The following BLM variants were observed in gnomAD, a reference collection of about 807,000 sequenced individuals.
The protein encoded by BLM is BLM RecQ like helicase, also known as recQ-like DNA helicase BLM.
BLM carries 95 observed loss-of-function variants against 135.3 expected under a neutral mutation model. The ratio of observed to expected loss-of-function variants is 0.70; its 90% CI spans 0.59 to 0.83. The LOEUF (loss-of-function observed/expected upper bound fraction) is 0.83. Among genes scored for constraint, BLM ranks in the 40% least tolerant of loss-of-function variants. BLM has a pLI of 0.00. For synonymous variants in BLM, 520 were observed against 589.2 expected (o/e 0.88, Z 1.70); for missense variants, 1,518 against 1,663.9 (o/e 0.91, Z 1.53).
At chr15:90,761,693 A>T (rs577792289) in intron 7 of BLM, among the ~76,000 whole-genome samples, 1 of 152,364 alleles carries the variant, frequency 6.6e-6, no homozygotes, top group East Asian at 1.9e-4. Context: ...ATGTTAAAAT[A>T]TAGGGTAGTC....
chr15:90,734,670 CG>C (rs1270904922), intron 1 of BLM, among the ~76,000 whole-genome samples: 1 of 137,516 alleles, frequency 7.3e-6, no homozygotes, highest in Admixed American at 7.6e-5. Flanking sequence ...CACGCGCGCA[CG>C]CACGCACACA....
chr15:90,749,924 A>T lies in BLM; in HGVS notation c.656A>T (p.Asp219Val). ...CCCTCCTCTGAAAGCGAGCAAATAG[A>T]TTTGACTGAGGAACAGAAGGATGAC... The part of the protein sequence containing the change: ...PPPSSESEQI[D>V]LTEEQKDDSE... Residue 219 changes from aspartate (D) to valine (V), a missense_variant, in exon 3 of 22, where the codon GAT becomes GTT. Physicochemically the swap from Asp to Val is radical, Grantham distance 152. Coordinates refer to ENST00000355112, the MANE Select transcript of BLM (RefSeq NM_000057.4). 2 of 1,613,812 alleles carry T rather than the reference A, an allele frequency of 1.2e-6. No homozygotes were observed. The highest frequency in any genetic ancestry group is 1.7e-6 in the Non-Finnish European group (2 of 1,179,658).
intron 12 of BLM, among the ~76,000 whole-genome samples, chr15:90,773,129 G>A (rs867032447): frequency 9.2e-5 from 13 of 141,936 alleles, no homozygotes; most frequent in African/African-American, 2.6e-4. Context: ...AGATAAAAGC[G>A]TAGACAGCAG....
In BLM at chr15:90,811,039, T is replaced by C. The variant is rs187347949; in HGVS notation, c.3875-166T>C. The stretch of plus-strand genomic sequence containing the variant: ...TGCCATTGAACACTTTGGGGCTTTG[T>C]GCAGTAAAAAAAGGTTTGGTTCTTG... On this transcript the variant is annotated intron_variant, in intron 20 of 21. Coordinates refer to ENST00000355112, the MANE Select transcript of BLM (RefSeq NM_000057.4). Among the ~76,000 whole-genome samples, 35 of 152,310 alleles carry C rather than the reference T, an allele frequency of 2.3e-4. No individual in the cohort carries two copies. The East Asian group carries it at 6.2e-3, about 27-fold the overall frequency.
intron 4 of BLM, among the ~76,000 whole-genome samples, chr15:90,752,986 T>C (rs535896761): frequency 2.6e-4 from 40 of 152,332 alleles, no homozygotes; most frequent in African/African-American, 8.9e-4. Flanking sequence ...TGATTCCTTG[T>C]TGAATGCCTG....
At chr15:90,723,130 C>T (rs1894813127) in intron 1 of BLM, among the ~76,000 whole-genome samples, 1 of 152,158 alleles carries the variant, frequency 6.6e-6, no homozygotes, top group African/African-American at 2.4e-5. Flanking sequence ...GCATGAGCCA[C>T]CGCTCCTGGC....
chr15:90,750,996 C>T (rs563012408), intron 3 of BLM, among the ~76,000 whole-genome samples: 2 of 152,330 alleles, frequency 1.3e-5, no homozygotes, highest in East Asian at 1.9e-4. Context: ...AGCCTTTCTA[C>T]TGTAATTCCT....
chr15:90,756,305 A>G (rs990857757), intron 5 of BLM, among the ~76,000 whole-genome samples: 20 of 152,086 alleles, frequency 1.3e-4, no homozygotes, highest in Non-Finnish European at 2.2e-4. Context: ...GGGTTTCACC[A>G]TTTTAGCCAG....
At chr15:90,748,479 C>T (rs1159585925) in intron 2 of BLM, among the ~76,000 whole-genome samples, 2 of 152,268 alleles carry the variant, frequency 1.3e-5, no homozygotes, top group African/African-American at 4.8e-5. Context: ...CCAGTTCTGC[C>T]TCTCCTCTAA....
rs559685871 is a variant in BLM, at chr15:90,807,836, A to G, written c.3752-1301A>G. Among the ~76,000 whole-genome samples, 4 of 152,334 alleles carry G rather than the reference A, an allele frequency of 2.6e-5. No individual in the cohort carries two copies. The East Asian group carries it at 7.7e-4, about 29-fold the overall frequency. The stretch of plus-strand genomic sequence containing the variant: ...ATGTCATGGCAGTTAGACTCAATAC[A>G]TGAGGTACAAACAGTGCAGTGACTT... On this transcript the variant is annotated intron_variant, in intron 19 of 21. Coordinates refer to ENST00000355112, the MANE Select transcript of BLM (RefSeq NM_000057.4).
intron 12 of BLM, among the ~76,000 whole-genome samples, chr15:90,774,636 C>T (rs889970693): frequency 6.6e-6 from 1 of 151,102 alleles, no homozygotes; most frequent in African/African-American, 2.4e-5. Context: ...GAGTTGGAGA[C>T]CAGCCTGGCC....
At chr15:90,768,434 G>A (rs550142241) in intron 10 of BLM, among the ~76,000 whole-genome samples, 2 of 152,268 alleles carry the variant, frequency 1.3e-5, no homozygotes, top group South Asian at 2.1e-4. Flanking sequence ...TTGCTACTGA[G>A]ATGTCATTGC....
intron 2 of BLM, among the ~76,000 whole-genome samples, chr15:90,748,591 G>T (rs1199797340): frequency 1.3e-5 from 2 of 152,066 alleles, no homozygotes; most frequent in Non-Finnish European, 2.9e-5. Context: ...TGGCTTTGAA[G>T]TCACCACTGA....
chr15:90,779,167 G>A (rs935560583), intron 12 of BLM, among the ~76,000 whole-genome samples: 9 of 152,124 alleles, frequency 5.9e-5, no homozygotes, highest in Admixed American at 4.6e-4. Context: ...TTACAGGCAT[G>A]AGCCACCGTG....
chr15:90,753,644 A>G (rs1323181461), intron 4 of BLM, among the ~76,000 whole-genome samples: 1 of 152,260 alleles, frequency 6.6e-6, no homozygotes. Flanking sequence ...TGTGCAATGC[A>G]CAGCTTAAAT....
chr15:90,757,972 C>T (rs1440802176), intron 5 of BLM, among the ~76,000 whole-genome samples: 3 of 151,776 alleles, frequency 2.0e-5, no homozygotes, highest in African/African-American at 7.2e-5. Context: ...ACCTCTGCCT[C>T]CCAGGTTCAA....
intron 17 of BLM, among the ~76,000 whole-genome samples, chr15:90,803,104 AGTG>A (rs1256396864): frequency 6.6e-6 from 1 of 151,814 alleles, no homozygotes; most frequent in Non-Finnish European, 1.5e-5. Context: ...TTGAGGCTGC[AGTG>A]AACCATGATT....
intron 13 of BLM, 143 bp downstream of exon 13, chr15:90,783,071 ACT>A (rs1896658480): frequency 6.0e-6 from 4 of 663,690 alleles, no homozygotes; most frequent in African/African-American, 3.7e-5. Flanking sequence ...GACTATTGCA[ACT>A]CTCTCAATTC....
Position 90,776,174 on chromosome 15 carries a change from T to C in BLM, c.2555+6588T>C, listed in dbSNP as rs753932364. On this transcript the variant is annotated intron_variant, in intron 12 of 21. Coordinates refer to ENST00000355112, the MANE Select transcript of BLM (RefSeq NM_000057.4). Reference sequence around the variant, plus strand: ...TGTATATGCCAAGATTACGTAATGATCAGTCATCAAAAATTATTTTTAATT... The same window carrying C: ...TGTATATGCCAAGATTACGTAATGACCAGTCATCAAAAATTATTTTTAATT... 3.9e-5 allele frequency among the ~76,000 whole-genome samples: 6 copies of C among 152,212 alleles called. No individual in the cohort carries two copies. In the South Asian group the frequency reaches 6.2e-4, roughly 16 times the overall value.
Sources: gnomAD v4.1 joint callset for allele counts (sites outside exome capture counted in the v4.1 genomes callset) on GRCh38, gnomAD v4.1.1 for gene constraint, MANE v1.5 for transcripts, NCBI Gene and HGNC (gene_info 2026-07-23, HGNC 2026-07-21) for gene names.